The following FAM124A variants were observed in gnomAD, a reference collection of about 807,000 sequenced individuals.
The protein encoded by FAM124A is protein FAM124A.
FAM124A carries 23 observed loss-of-function variants against 24.5 expected under a neutral mutation model. That is an observed-to-expected ratio of 0.94 (90% CI 0.68 to 1.33). The LOEUF is 1.33. Among genes scored for constraint, FAM124A ranks in the 40% most tolerant of loss-of-function variants. The pLI is 0.00. For synonymous variants in FAM124A, 287 were observed against 314.7 expected (o/e 0.91, Z 0.93); for missense variants, 623 against 722.8 (o/e 0.86, Z 1.58).
At chr13:51,237,373 G>A (rs752864119) in intron 2 of FAM124A, among the ~76,000 whole-genome samples, 5 of 152,182 alleles carry the variant, frequency 3.3e-5, no homozygotes, top group African/African-American at 4.8e-5. Flanking sequence ...CATCCACAGA[G>A]CTGGAAGTAC....
rs371493436 is a variant in FAM124A, at chr13:51,252,214, C to T, written c.834+13C>T. The T allele has an allele frequency of 4.0e-4, 640 of 1,608,550 alleles. 3 individuals carry two copies. The African/African-American group carries it at 7.9e-3, about 20-fold the overall frequency. The stretch of plus-strand genomic sequence containing the variant: ...GATCCTCCTACAGGTACTGGGGGGA[C>T]GCCTGTCTGTCTGTTTAGGGGACCT... On this transcript the variant is annotated intron_variant, in intron 3 of 3. Transcript: ENST00000322475.
chr13:51,252,399 G>C, intron 3 of FAM124A, 198 bp downstream of exon 3: 1 of 683,592 alleles, frequency 1.5e-6, no homozygotes, highest in Admixed American at 3.1e-5. Context: ...CTTCCCATTG[G>C]TTCTCTTCAT....
chr13:51,230,736 C>T (rs1224989338), intron 1 of FAM124A, among the ~76,000 whole-genome samples: 1 of 152,250 alleles, frequency 6.6e-6, no homozygotes, highest in Non-Finnish European at 1.5e-5. Context: ...TCACCCCAGC[C>T]TTAGCCTGCC....
At chr13:51,263,451 T>C (rs1954756389) in intron 3 of FAM124A, among the ~76,000 whole-genome samples, 1 of 152,204 alleles carries the variant, frequency 6.6e-6, no homozygotes, top group Non-Finnish European at 1.5e-5. Flanking sequence ...CAGCCCTGGC[T>C]GGAGAGTGAT....
Position 51,280,697 on chromosome 13 carries a change from A to T in FAM124A, c.1082A>T (p.Lys361Met), listed in dbSNP as rs955808362. The part of the protein sequence containing the change: ...PNPPWSFQRS[K>M]SLFCLPTGGP... ...CCTCCCTGGTCTTTCCAGAGAAGCA[A>T]GTCCTTGTTTTGTTTGCCCACGGGA... The change falls in exon 4 of 4, where the codon AAG becomes ATG. Residue 361 changes from lysine (K) to methionine (M), a missense_variant. Transcript: ENST00000322475. 8 of 1,613,920 alleles carry T rather than the reference A, an allele frequency of 5.0e-6. No homozygotes were observed. In the African/African-American group the frequency reaches 8.0e-5, roughly 16 times the overall value.
chr13:51,257,468 C>T (rs1035554503), intron 3 of FAM124A, among the ~76,000 whole-genome samples: 104 of 152,218 alleles, frequency 6.8e-4, no homozygotes, highest in Non-Finnish European at 5.9e-5. Context: ...ACCCTGTACA[C>T]TCCAGATCTA....
In FAM124A at chr13:51,222,555, C is replaced by A. The variant is rs1489093764; in HGVS notation, c.54C>A (p.Gly18=). ...GGEEDDCVDS[G]AETGGSDYSH... ...AGGAGGACGACTGCGTGGACTCGGG[C>A]GCCGAGACCGGAGGGTGAGCCGCGC... Residue 18 remains glycine, a synonymous_variant, in exon 1 of 4, where the codon GGC becomes GGA. Transcript: ENST00000322475. 1.5e-5 allele frequency: 18 copies of A among 1,226,956 alleles called. No homozygotes were observed. The highest frequency in any genetic ancestry group is 4.0e-5 in the South Asian group (1 of 24,936). The allele number at this position is 1,226,956 out of a possible 1,614,324, so 76.0% of individuals were successfully genotyped here.
intron 1 of FAM124A, among the ~76,000 whole-genome samples, chr13:51,230,189 C>T (rs1954360044): frequency 6.6e-6 from 1 of 152,124 alleles, no homozygotes; most frequent in Non-Finnish European, 1.5e-5. Flanking sequence ...TAAAGTATTT[C>T]ATTTGTGAAA....
rs1566177449 is a variant in FAM124A, at chr13:51,281,015, C to T, written c.1400C>T (p.Thr467Ile). ...HKDSREGPLP[T>I]VSRVTTEASW... ...GATTCCAGGGAGGGACCACTGCCCA[C>T]TGTCAGCAGGGTGACCACAGAGGCC... Residue 467 changes from threonine to isoleucine, a missense_variant, in exon 4 of 4, where the codon ACT becomes ATT. Transcript: ENST00000322475. 1 of 1,614,178 alleles carries T rather than the reference C, an allele frequency of 6.2e-7. No homozygotes were observed. Among genetic ancestry groups the T allele is most frequent in the Non-Finnish European group, 8.5e-7 (1 of 1,180,014 alleles).
At chr13:51,262,071 CA>C (rs1480812831) in intron 3 of FAM124A, among the ~76,000 whole-genome samples, 2 of 152,214 alleles carry the variant, frequency 1.3e-5, no homozygotes, top group Non-Finnish European at 2.9e-5. Context: ...CCCAGGAAAA[CA>C]GGAAAGCATA....
At chr13:51,271,604 GT>G (rs541142392) in intron 3 of FAM124A, among the ~76,000 whole-genome samples, 1 of 151,360 alleles carries the variant, frequency 6.6e-6, no homozygotes, top group African/African-American at 2.4e-5. Flanking sequence ...CTCTGGAATG[GT>G]TTTTTTTTAA....
chr13:51,231,447 C>T, intron 2 of FAM124A, 68 bp downstream of exon 2: 2 of 1,503,402 alleles, frequency 1.3e-6, no homozygotes, highest in Non-Finnish European at 1.8e-6. Flanking sequence ...CCCTAGAGGC[C>T]ATGTGTGTAC....
intron 2 of FAM124A, chr13:51,245,496 C>A: frequency 4.4e-6 from 2 of 458,046 alleles, no homozygotes; most frequent in South Asian, 4.5e-5. Flanking sequence ...ATCTACAGCT[C>A]GAATTTTCAG....
intron 3 of FAM124A, among the ~76,000 whole-genome samples, chr13:51,269,815 A>G (rs1487419562): frequency 6.6e-6 from 1 of 152,228 alleles, no homozygotes; most frequent in East Asian, 1.9e-4. Context: ...TATTTTTTGG[A>G]TTTTTTTCTG....
At chr13:51,238,865 A>G (rs1954462620) in intron 2 of FAM124A, among the ~76,000 whole-genome samples, 1 of 152,268 alleles carries the variant, frequency 6.6e-6, no homozygotes, top group Admixed American at 6.5e-5. Context: ...TCAGGAAATC[A>G]CAGGGTAAGG....
intron 2 of FAM124A, among the ~76,000 whole-genome samples, chr13:51,232,253 G>A (rs1393222637): frequency 1.3e-5 from 2 of 152,254 alleles, no homozygotes; most frequent in East Asian, 3.9e-4. Context: ...AGAATTGAGA[G>A]TGATTAAGAT....
intron 3 of FAM124A, among the ~76,000 whole-genome samples, chr13:51,264,339 G>A (rs933017902): frequency 6.6e-6 from 1 of 152,122 alleles, no homozygotes; most frequent in Admixed American, 6.5e-5. Context: ...CTCAAAACCT[G>A]ACCCTTCACC....
chr13:51,261,489 A>G (rs1463700771), intron 3 of FAM124A, among the ~76,000 whole-genome samples: 2 of 152,208 alleles, frequency 1.3e-5, no homozygotes, highest in Middle Eastern at 3.2e-3. Context: ...GGCGGCAGGT[A>G]TAAGTGACAT....
At chr13:51,256,832 G>C (rs531517262) in intron 3 of FAM124A, among the ~76,000 whole-genome samples, 8 of 152,208 alleles carry the variant, frequency 5.3e-5, no homozygotes, top group African/African-American at 1.9e-4. Context: ...TGTACCCACT[G>C]ATCACTTCCC....
Sources: gnomAD v4.1 joint callset for allele counts (sites outside exome capture counted in the v4.1 genomes callset) on GRCh38, gnomAD v4.1.1 for gene constraint, MANE v1.5 for transcripts, NCBI Gene and HGNC (gene_info 2026-07-23, HGNC 2026-07-21) for gene names.